Variants in HMGCS1 observed in about 807,000 individuals in gnomAD.
HMGCS1 encodes the protein hydroxymethylglutaryl-CoA synthase, cytoplasmic.
A neutral mutation model predicts 52.3 loss-of-function variants in HMGCS1; 9 were observed. The ratio of observed to expected loss-of-function variants is 0.17; its 90% CI spans 0.10 to 0.30. HMGCS1 has a LOEUF of 0.30. Among genes scored for constraint, HMGCS1 ranks in the 10% least tolerant of loss-of-function variants. The pLI is 1.00. For missense variants in HMGCS1, 320 were observed against 620.9 expected (o/e 0.52, Z 5.15); for synonymous variants, 176 against 214.4 (o/e 0.82, Z 1.57).
chr5:43,289,352 C>A lies in HMGCS1; in HGVS notation c.*1779G>T, dbSNP rs901441762. 4.6e-5 allele frequency: 7 copies of A among 152,534 alleles called. No individual in the cohort carries two copies. The highest frequency in any genetic ancestry group is 3.9e-4 in the Admixed American group (6 of 15,262). The allele number at this position is 152,534 out of a possible 1,614,324, so 9.4% of individuals were successfully genotyped here. ...AAATAGAATATTAGCTGATTTCTTG[C>A]CGAAGTTGTTAGTTCAAGAGTGAAA... On this transcript the variant is annotated 3_prime_UTR_variant, in exon 11 of 11. Transcript: ENST00000325110.
chr5:43,312,047 G>A (rs1754897520), intron 1 of HMGCS1, among the ~76,000 whole-genome samples: 1 of 152,172 alleles, frequency 6.6e-6, no homozygotes, highest in Admixed American at 6.5e-5. Context: ...TTAAAATAAA[G>A]TTTAAAGAAC....
In HMGCS1 at chr5:43,287,827, T is replaced by C. The variant is rs917491562; in HGVS notation, c.*3304A>G. ...AGCTAGAATCCAAAGAGAGGTACTA[T>C]CATATTCTCTGAGAACCTGGTCAAA... is the stretch of plus-strand genomic sequence containing the variant. On this transcript the variant is annotated 3_prime_UTR_variant, in exon 11 of 11. Coordinates refer to ENST00000325110, the MANE Select transcript of HMGCS1 (RefSeq NM_001098272.3). 5.3e-5 allele frequency: 8 copies of C among 152,222 alleles called. No individual in the cohort carries two copies. Among genetic ancestry groups the C allele is most frequent in the African/African-American group, 1.7e-4 (7 of 41,438 alleles). 9.4% of individuals were successfully genotyped at this position (152,222 alleles called of 1,614,324 possible).
At position 43,288,631 on chromosome 5, in the gene HMGCS1, A is replaced by T. The variant is rs574196636; in HGVS notation, c.*2500T>A. ...CAAATAGAGGAAACACACATTCCAT[A>T]AAGGAGAGGGGGAAAGATTGAATTC... On this transcript the variant is annotated 3_prime_UTR_variant, in exon 11 of 11. Transcript: ENST00000325110. 1.7e-4 allele frequency: 26 copies of T among 152,200 alleles called. No homozygotes were observed. Among genetic ancestry groups the T allele is most frequent in the African/African-American group, 5.5e-4 (23 of 41,502 alleles). 9.4% of individuals were successfully genotyped at this position (152,200 alleles called of 1,614,324 possible). A position where few individuals can be genotyped will look rare whatever the true frequency, so the allele number is the denominator to read the frequency against.
chr5:43,300,747 A>G (rs934041722), intron 2 of HMGCS1, among the ~76,000 whole-genome samples: 12 of 148,354 alleles, frequency 8.1e-5, no homozygotes, highest in Non-Finnish European at 1.5e-5. Flanking sequence ...GTGAGCTGTG[A>G]TTGCACCACT....
intron 1 of HMGCS1, among the ~76,000 whole-genome samples, chr5:43,311,081 T>C (rs994611169): frequency 6.6e-6 from 1 of 152,114 alleles, no homozygotes; most frequent in African/African-American, 2.4e-5. Context: ...TCTCAGCACT[T>C]TGGGAGGCCA....
rs1753577291 is a variant in HMGCS1 at position 43,288,100 on chromosome 5, T to A, written c.*3031A>T. ...AGTCTGCAAGGCTGAATAAGGAATA[T>A]ACATAGAATGAATAGTGCTTACTAC... On this transcript the variant is annotated 3_prime_UTR_variant, in exon 11 of 11. Coordinates refer to ENST00000325110, the MANE Select transcript of HMGCS1 (RefSeq NM_001098272.3). The A allele has an allele frequency of 6.6e-6, 1 of 152,186 alleles. No homozygotes were observed. Among genetic ancestry groups the A allele is most frequent in the Admixed American group, 6.5e-5 (1 of 15,274 alleles). The allele number at this position is 152,186 out of a possible 1,614,324, so 9.4% of individuals were successfully genotyped here. A position where few individuals can be genotyped will look rare whatever the true frequency, so the allele number is the denominator to read the frequency against.
At chr5:43,291,323 T>C in intron 10 of HMGCS1, 103 bp from the exon 11 acceptor site, 1 of 744,810 alleles carries the variant, frequency 1.3e-6, no homozygotes, top group Non-Finnish European at 2.4e-6. Flanking sequence ...AAAGGACAAC[T>C]CTGGAGAAGT....
intron 1 of HMGCS1, among the ~76,000 whole-genome samples, chr5:43,310,607 G>T (rs1754812174): frequency 6.6e-6 from 1 of 152,156 alleles, no homozygotes; most frequent in African/African-American, 2.4e-5. Flanking sequence ...GCCCTCAGTA[G>T]TAAGTGCTTT....
intron 2 of HMGCS1, among the ~76,000 whole-genome samples, chr5:43,299,625 G>A (rs2111680389): frequency 6.6e-6 from 1 of 151,822 alleles, no homozygotes; most frequent in African/African-American, 2.4e-5. Context: ...ACTCCAGCCT[G>A]GGTGACAGAG....
At chr5:43,307,382 A>G (rs1297922434) in intron 2 of HMGCS1, among the ~76,000 whole-genome samples, 2 of 152,116 alleles carry the variant, frequency 1.3e-5, no homozygotes, top group African/African-American at 4.8e-5. Flanking sequence ...CCATTCTTAC[A>G]TAATTTTAAA....
At chr5:43,303,804 G>A (rs2111710398) in intron 2 of HMGCS1, among the ~76,000 whole-genome samples, 1 of 152,320 alleles carries the variant, frequency 6.6e-6, no homozygotes, top group African/African-American at 2.4e-5. Context: ...AGGGACAGGG[G>A]CATAAAGAAA....
At chr5:43,307,131 C>T (rs140836741) in intron 2 of HMGCS1, among the ~76,000 whole-genome samples, 34 of 144,660 alleles carry the variant, frequency 2.4e-4, no homozygotes, top group African/African-American at 7.8e-4. Flanking sequence ...AGTGCAGTGG[C>T]GCAATCTCAG....
intron 10 of HMGCS1, 113 bp downstream of exon 10, chr5:43,292,361 T>C (rs1273212951): frequency 1.4e-6 from 1 of 724,846 alleles, no homozygotes; most frequent in Non-Finnish European, 2.3e-6. Flanking sequence ...ATAGTACAGC[T>C]AGAATCTACT....
At chr5:43,299,122 G>A (rs1754178148) in intron 2 of HMGCS1, 147 bp from the exon 3 acceptor site, 4 of 582,876 alleles carry the variant, frequency 6.9e-6, no homozygotes, top group Non-Finnish European at 1.2e-5. Flanking sequence ...ACTCAATTGT[G>A]TACATGTGAA....
chr5:43,301,172 T>G lies in HMGCS1; in HGVS notation c.-10-2197A>C, dbSNP rs184885027. On this transcript the variant is annotated intron_variant, in intron 2 of 10. Transcript: ENST00000325110. Reference sequence around the variant, plus strand: ...AAAGCACTGAAGAAATGGAGGGTAGTAGATTTTCAACAGAGTGGACACCAT... The same window carrying G: ...AAAGCACTGAAGAAATGGAGGGTAGGAGATTTTCAACAGAGTGGACACCAT... 2.0e-4 allele frequency among the ~76,000 whole-genome samples: 30 copies of G among 152,212 alleles called. No homozygotes were observed. In the East Asian group the frequency reaches 5.6e-3, roughly 28 times the overall value.
rs1379101077 is a variant in HMGCS1 at position 43,287,507 on chromosome 5, A to G, written c.*3624T>C. The G allele has an allele frequency of 6.6e-5, 10 of 152,232 alleles. No homozygotes were observed. Among genetic ancestry groups the G allele is most frequent in the Admixed American group, 6.5e-4 (10 of 15,288 alleles). 9.4% of individuals were successfully genotyped at this position (152,232 alleles called of 1,614,324 possible). A position where few individuals can be genotyped will look rare whatever the true frequency, so the allele number is the denominator to read the frequency against. ...CATTTATTTGAGAAGCGATCCCAGG[A>G]TGCAAGAGAGATGCACAGGAGTGAA... is the stretch of plus-strand genomic sequence containing the variant. On this transcript the variant is annotated 3_prime_UTR_variant, in exon 11 of 11. Transcript: ENST00000325110.
intron 7 of HMGCS1, 100 bp downstream of exon 7, chr5:43,294,591 C>T: frequency 1.2e-6 from 1 of 826,992 alleles, no homozygotes; most frequent in Non-Finnish European, 1.8e-6. Context: ...ATAAAATTTT[C>T]TGTGATCTAC....
At chr5:43,310,633 A>T (rs1158871961) in intron 1 of HMGCS1, among the ~76,000 whole-genome samples, 1 of 151,704 alleles carries the variant, frequency 6.6e-6, no homozygotes, top group Non-Finnish European at 1.5e-5. Context: ...ATCACTTTTT[A>T]ATTTTTTTTT....
intron 2 of HMGCS1, among the ~76,000 whole-genome samples, chr5:43,301,154 T>G (rs975308136): frequency 6.6e-6 from 1 of 152,124 alleles, no homozygotes; most frequent in Non-Finnish European, 1.5e-5. Flanking sequence ...AGTAAAGCAC[T>G]GAAGAAATGG....
Sources: allele counts gnomAD v4.1 joint callset (sites outside exome capture counted in the v4.1 genomes callset), GRCh38; gene constraint gnomAD v4.1.1; transcripts MANE v1.5; gene names NCBI Gene and HGNC (gene_info 2026-07-23, HGNC 2026-07-21).